Variants in RGS7BP observed in about 807,000 individuals in gnomAD.
The protein encoded by RGS7BP is regulator of G protein signaling 7-binding protein.
In RGS7BP, 9 loss-of-function variants were observed where a neutral mutation model predicts 31.3. The ratio of observed to expected loss-of-function variants is 0.29; its 90% CI spans 0.17 to 0.50. The LOEUF (loss-of-function observed/expected upper bound fraction) is 0.50. Ranked by LOEUF, RGS7BP falls within the 20% of genes least tolerant of loss-of-function variation. RGS7BP has a pLI of 0.98. For missense variants in RGS7BP, 274 were observed against 322.0 expected, an observed-to-expected ratio of 0.85 and a Z score of 1.14; for synonymous variants, 115 against 120.1, an observed-to-expected ratio of 0.96 and a Z score of 0.28.
At chr5:64,549,026 T>C (rs1263427649) in intron 2 of RGS7BP, among the ~76,000 whole-genome samples, 1 of 152,112 alleles carries the variant, frequency 6.6e-6, no homozygotes, top group Non-Finnish European at 1.5e-5. Context: ...TCACGCAAAA[T>C]ACATTCCATC....
At chr5:64,573,441 C>T (rs191666236) in intron 2 of RGS7BP, 176 of 152,052 alleles carry the variant, frequency 1.2e-3, no homozygotes, top group African/African-American at 4.1e-3. Flanking sequence ...TTTGTACTTC[C>T]GAAAATAAGA....
intron 2 of RGS7BP, among the ~76,000 whole-genome samples, chr5:64,537,253 G>C (rs2078409009): frequency 6.6e-6 from 1 of 152,092 alleles, no homozygotes; most frequent in Non-Finnish European, 1.5e-5. Context: ...ACTAATGATA[G>C]CTGATGAGCT....
intron 2 of RGS7BP, among the ~76,000 whole-genome samples, chr5:64,556,458 CACAA>C (rs1741930378): frequency 7.1e-6 from 1 of 141,074 alleles, no homozygotes; most frequent in Non-Finnish European, 1.6e-5. Context: ...CACACACACA[CACAA>C]AATTGGCTTC....
intron 4 of RGS7BP, among the ~76,000 whole-genome samples, chr5:64,595,449 C>T (rs556112708): frequency 6.6e-6 from 1 of 152,196 alleles, no homozygotes; most frequent in Admixed American, 6.5e-5. Flanking sequence ...ATTTTCTTAA[C>T]TTCAGTAGCT....
intron 5 of RGS7BP, among the ~76,000 whole-genome samples, chr5:64,607,695 T>C (rs1245739639): frequency 3.3e-5 from 5 of 152,004 alleles, no homozygotes; most frequent in Non-Finnish European, 7.4e-5. Context: ...GTCTGTTTTA[T>C]CAGTCTTAAG....
At chr5:64,513,423 TGCCCTGATTTTTTC>T (rs1165438838) in intron 2 of RGS7BP, among the ~76,000 whole-genome samples, 9 of 152,332 alleles carry the variant, frequency 5.9e-5, no homozygotes, top group Admixed American at 2.6e-4. Flanking sequence ...TTAATTTTTT[TGCCCTGATTTTTTC>T]GCCCTGATTT....
intron 2 of RGS7BP, among the ~76,000 whole-genome samples, chr5:64,550,940 A>G (rs997215132): frequency 2.0e-5 from 3 of 151,892 alleles, no homozygotes; most frequent in African/African-American, 7.3e-5. Context: ...ATAGTATTCC[A>G]TGGTGTATAT....
At chr5:64,532,775 C>G (rs748584052) in intron 2 of RGS7BP, among the ~76,000 whole-genome samples, 1 of 152,074 alleles carries the variant, frequency 6.6e-6, no homozygotes, top group East Asian at 1.9e-4. Context: ...CCCCCACACA[C>G]CCCCAACCCC....
At chr5:64,508,409 T>C (rs1189911266) in intron 2 of RGS7BP, among the ~76,000 whole-genome samples, 2 of 152,184 alleles carry the variant, frequency 1.3e-5, no homozygotes, top group African/African-American at 4.8e-5. Context: ...AGTTTTAGCA[T>C]AAGAACAGTT....
At chr5:64,543,633 T>A (rs1189248747) in intron 2 of RGS7BP, among the ~76,000 whole-genome samples, 2 of 152,232 alleles carry the variant, frequency 1.3e-5, no homozygotes, top group Non-Finnish European at 2.9e-5. Context: ...TAACACAGCT[T>A]AAGTCCAATG....
At chr5:64,512,344 T>C (rs1748860620) in intron 2 of RGS7BP, among the ~76,000 whole-genome samples, 1 of 152,200 alleles carries the variant, frequency 6.6e-6, no homozygotes, top group African/African-American at 2.4e-5. Flanking sequence ...GCTAAGGACA[T>C]GGGTGAATTT....
intron 2 of RGS7BP, among the ~76,000 whole-genome samples, chr5:64,537,552 G>A (rs549203055): frequency 6.6e-6 from 1 of 152,202 alleles, no homozygotes; most frequent in South Asian, 2.1e-4. Flanking sequence ...GTTCACTTTG[G>A]GCTCTCTAAG....
intron 4 of RGS7BP, 66 bp downstream of exon 4, chr5:64,594,923 G>C: frequency 1.3e-6 from 2 of 1,514,516 alleles, no homozygotes; most frequent in Non-Finnish European, 1.8e-6. Context: ...AGGGGCCACA[G>C]AGAGACGAGG....
Position 64,587,543 on chromosome 5 carries a change from G to A in RGS7BP, c.464-7167G>A, listed in dbSNP as rs1259614853. ...CAAAATTGCATTAAGGAAAAGCTGGGCTACCCCACACTGAGCAGCAGAGAC... is the reference window on the plus strand; with the variant it reads ...CAAAATTGCATTAAGGAAAAGCTGGACTACCCCACACTGAGCAGCAGAGAC... On this transcript the variant is annotated intron_variant, in intron 3 of 5. Coordinates refer to ENST00000334025, the MANE Select transcript of RGS7BP (RefSeq NM_001029875.3). Among the ~76,000 whole-genome samples, 4 of 152,124 alleles carry A rather than the reference G, an allele frequency of 2.6e-5. No individual in the cohort carries two copies. In the East Asian group the frequency reaches 7.7e-4, roughly 29 times the overall value.
chr5:64,515,127 G>A (rs945174834), intron 2 of RGS7BP, among the ~76,000 whole-genome samples: 1 of 152,138 alleles, frequency 6.6e-6, no homozygotes, highest in Admixed American at 6.5e-5. Flanking sequence ...GCTCAATGAT[G>A]ATATATTTGT....
rs974339120 is a variant in RGS7BP at position 64,611,717 on chromosome 5, G to A, written c.*2465G>A. ...AAGATCTAAAGATCCTCTTTCAGTA[G>A]CATATACTAAAATTAAGTTTAGTGC... On this transcript the variant is annotated 3_prime_UTR_variant, in exon 6 of 6. Coordinates refer to ENST00000334025, the MANE Select transcript of RGS7BP (RefSeq NM_001029875.3). 8 of 152,144 alleles carry A rather than the reference G, an allele frequency of 5.3e-5. No individual in the cohort carries two copies. The highest frequency in any genetic ancestry group is 1.9e-4 in the African/African-American group (8 of 41,344). The allele number at this position is 152,144 out of a possible 1,614,324, so 9.4% of individuals were successfully genotyped here. A position where few individuals can be genotyped will look rare whatever the true frequency, so the allele number is the denominator to read the frequency against.
chr5:64,533,797 G>A (rs140238399), intron 2 of RGS7BP, among the ~76,000 whole-genome samples: 1 of 152,278 alleles, frequency 6.6e-6, no homozygotes, highest in East Asian at 1.9e-4. Context: ...CCCACCTCAT[G>A]TCTATTTCTA....
At chr5:64,589,612 G>A (rs1006778941) in intron 3 of RGS7BP, among the ~76,000 whole-genome samples, 3 of 152,032 alleles carry the variant, frequency 2.0e-5, no homozygotes, top group Admixed American at 6.6e-5. Context: ...AAAAGGCAAG[G>A]ATGCTGTTCT....
At chr5:64,599,978 C>CTGT (rs1313658123) in intron 5 of RGS7BP, among the ~76,000 whole-genome samples, 14 of 152,174 alleles carry the variant, frequency 9.2e-5, no homozygotes, top group African/African-American at 3.4e-4. Flanking sequence ...ATTGTTGTCA[C>CTGT]TGTTATTATT....
Sources: gnomAD v4.1 joint callset for allele counts (sites outside exome capture counted in the v4.1 genomes callset) on GRCh38, gnomAD v4.1.1 for gene constraint, MANE v1.5 for transcripts, NCBI Gene and HGNC (gene_info 2026-07-23, HGNC 2026-07-21) for gene names.